EFCAB11: variants seen among roughly 807,000 people sequenced by gnomAD.
The protein encoded by EFCAB11 is EF-hand calcium binding domain 11, also known as EF-hand calcium-binding domain-containing protein 11.
A neutral mutation model predicts 23.0 loss-of-function variants in EFCAB11; 14 were observed. The ratio of observed to expected loss-of-function variants is 0.61; its 90% CI spans 0.40 to 0.95. EFCAB11 has a LOEUF of 0.95. Among genes scored for constraint, EFCAB11 ranks in the 40% least tolerant of loss-of-function variants. The pLI is 0.00. For missense variants in EFCAB11, 198 were observed against 195.8 expected (o/e 1.01, Z -0.07); for synonymous variants, 65 against 66.6 (o/e 0.98, Z 0.11).
chr14:89,873,872 T>C (rs1407007078), intron 5 of EFCAB11, among the ~76,000 whole-genome samples: 1 of 152,128 alleles, frequency 6.6e-6, no homozygotes, highest in Non-Finnish European at 1.5e-5. Context: ...GCATTGAGTG[T>C]TTGTGGCTTT....
intron 5 of EFCAB11, among the ~76,000 whole-genome samples, chr14:89,920,786 C>T (rs1889997866): frequency 6.6e-6 from 1 of 152,010 alleles, no homozygotes; most frequent in African/African-American, 2.4e-5. Context: ...TACATAGGGC[C>T]GGGCGTGGTG....
intron 3 of EFCAB11, among the ~76,000 whole-genome samples, chr14:89,949,300 A>C (rs1891082969): frequency 6.6e-6 from 1 of 152,056 alleles, no homozygotes. Context: ...AACCACCAAA[A>C]CCTTTCTTTT....
At chr14:89,815,746 A>AT (rs1465599877) in intron 5 of EFCAB11, among the ~76,000 whole-genome samples, 1 of 152,102 alleles carries the variant, frequency 6.6e-6, no homozygotes, top group African/African-American at 2.4e-5. Context: ...AATTAGTACT[A>AT]TATAGATTGC....
chr14:89,856,909 T>G (rs1051563402), intron 5 of EFCAB11, among the ~76,000 whole-genome samples: 2 of 152,246 alleles, frequency 1.3e-5, no homozygotes, highest in African/African-American at 2.4e-5. Flanking sequence ...GACTGTTTCC[T>G]TTTGGCAGTC....
chr14:89,836,891 C>T (rs1887101210), intron 5 of EFCAB11: 7 of 382,104 alleles, frequency 1.8e-5, no homozygotes, highest in Admixed American at 7.0e-5. Flanking sequence ...TGATGGCGCA[C>T]GTCTATAATC....
chr14:89,901,699 A>C (rs549782603), intron 5 of EFCAB11, among the ~76,000 whole-genome samples: 27 of 152,342 alleles, frequency 1.8e-4, no homozygotes, highest in Admixed American at 1.6e-3. Flanking sequence ...ACAGGGACAT[A>C]AATATATAAT....
At chr14:89,834,691 A>G (rs12100561) in intron 5 of EFCAB11, among the ~76,000 whole-genome samples, 112,717 of 152,138 alleles carry the variant, frequency 0.74, 42,876 homozygotes, top group Non-Finnish European at 0.84. Flanking sequence ...GTACCCACGG[A>G]TAGCAACAAA....
chr14:89,888,542 T>G (rs1888862977), intron 5 of EFCAB11, among the ~76,000 whole-genome samples: 1 of 152,080 alleles, frequency 6.6e-6, no homozygotes, highest in African/African-American at 2.4e-5. Context: ...AATGGCCAAA[T>G]CTCACAAGAA....
At chr14:89,827,087 T>A (rs1234148307) in intron 5 of EFCAB11, among the ~76,000 whole-genome samples, 1 of 152,132 alleles carries the variant, frequency 6.6e-6, no homozygotes, top group Non-Finnish European at 1.5e-5. Context: ...AGAAATAGGT[T>A]AGACAGGTAT....
intron 5 of EFCAB11, among the ~76,000 whole-genome samples, chr14:89,893,889 A>G (rs554214831): frequency 2.0e-4 from 31 of 152,176 alleles, no homozygotes; most frequent in African/African-American, 7.2e-4. Context: ...ATATACACAG[A>G]CATGTTATTC....
At chr14:89,804,871 T>C (rs1885916880) in intron 5 of EFCAB11, among the ~76,000 whole-genome samples, 1 of 152,210 alleles carries the variant, frequency 6.6e-6, no homozygotes, top group Non-Finnish European at 1.5e-5. Flanking sequence ...CTTTTTACTG[T>C]CTAATATACA....
chr14:89,886,565 C>G (rs1352352802), intron 5 of EFCAB11, among the ~76,000 whole-genome samples: 1 of 143,666 alleles, frequency 7.0e-6, no homozygotes, highest in Non-Finnish European at 1.5e-5. Context: ...CTGCTTTACT[C>G]AAGATCTACT....
intron 5 of EFCAB11, among the ~76,000 whole-genome samples, chr14:89,885,699 GAGAAAGAGAGAA>G (rs1047821578): frequency 4.1e-5 from 6 of 146,266 alleles, no homozygotes; most frequent in South Asian, 2.2e-4. Flanking sequence ...GAGAAAGAGA[GAGAAAGAGAGAA>G]AGAAAGAGAG....
chr14:89,806,251 A>G (rs575632950), intron 5 of EFCAB11, among the ~76,000 whole-genome samples: 1 of 152,336 alleles, frequency 6.6e-6, no homozygotes, highest in Non-Finnish European at 1.5e-5. Context: ...ACAGCTAGAC[A>G]TATTTTAAAA....
chr14:89,906,370 T>C (rs1464660816), intron 5 of EFCAB11, among the ~76,000 whole-genome samples: 1 of 152,108 alleles, frequency 6.6e-6, no homozygotes, highest in Non-Finnish European at 1.5e-5. Flanking sequence ...ATTTAAAATA[T>C]CCTATTCTAA....
At chr14:89,803,123 CCCTTGGGGGACA>C (rs1885842308) in intron 5 of EFCAB11, among the ~76,000 whole-genome samples, 1 of 152,186 alleles carries the variant, frequency 6.6e-6, no homozygotes, top group African/African-American at 2.4e-5. Flanking sequence ...TGCCAAGTGT[CCCTTGGGGGACA>C]CAATCACCCC....
chr14:89,922,628 G>GT (rs1471985144), intron 5 of EFCAB11, among the ~76,000 whole-genome samples: 3 of 150,654 alleles, frequency 2.0e-5, no homozygotes, highest in Non-Finnish European at 4.5e-5. Context: ...AAAGCCTGTG[G>GT]TTTTTTTTCC....
intron 5 of EFCAB11, among the ~76,000 whole-genome samples, chr14:89,819,844 T>C (rs967895475): frequency 1.3e-5 from 2 of 152,320 alleles, no homozygotes; most frequent in Middle Eastern, 3.4e-3. Flanking sequence ...ATTAAATATA[T>C]GTAGTTTATT....
chr14:89,829,843 G>T (rs1460601011), intron 5 of EFCAB11: 1 of 152,014 alleles, frequency 6.6e-6, no homozygotes, highest in African/African-American at 2.4e-5. Flanking sequence ...TCCATCAAAA[G>T]AAGATCTATG....
Sources: gnomAD v4.1 joint callset for allele counts (sites outside exome capture counted in the v4.1 genomes callset) on GRCh38, gnomAD v4.1.1 for gene constraint, MANE v1.5 for transcripts, NCBI Gene and HGNC (gene_info 2026-07-23, HGNC 2026-07-21) for gene names.